Variants in C12orf42 observed in about 807,000 individuals in gnomAD.
C12orf42 encodes the protein uncharacterized protein C12orf42.
In C12orf42, 25 loss-of-function variants were observed where a neutral mutation model predicts 21.6. The ratio of observed to expected loss-of-function variants is 1.16; its 90% confidence interval spans 0.84 to 1.62. The LOEUF (loss-of-function observed/expected upper bound fraction) is 1.62. Ranked by LOEUF, C12orf42 falls within the 40% of genes most tolerant of loss-of-function variation. C12orf42 has a pLI of 0.00. For missense variants in C12orf42, 483 were observed against 459.3 expected (o/e 1.05, Z -0.47); for synonymous variants, 174 against 175.0 (o/e 0.99, Z 0.05).
At chr12:103,208,011 G>C in the C12orf42 span, among the ~76,000 whole-genome samples, 3 of 152,136 alleles carry the variant, frequency 2.0e-5, no homozygotes, top group Non-Finnish European at 4.4e-5. Context: ...GAATGGAAAA[G>C]CTTTTGTTTC....
intron 2 of C12orf42, among the ~76,000 whole-genome samples, chr12:103,420,528 T>C (rs1328410564): frequency 1.3e-5 from 2 of 152,156 alleles, no homozygotes; most frequent in African/African-American, 4.8e-5. Flanking sequence ...TCTAAGGCAG[T>C]GGTTCTCAAA....
the C12orf42 span, among the ~76,000 whole-genome samples, chr12:103,060,250 C>A: frequency 6.6e-6 from 1 of 152,030 alleles, no homozygotes; most frequent in Non-Finnish European, 1.5e-5. Context: ...GAATAAGATA[C>A]CTAGGAATAC....
At chr12:103,248,864 AT>A (rs948137868) in intron 10 of C12orf42, among the ~76,000 whole-genome samples, 1 of 151,954 alleles carries the variant, frequency 6.6e-6, no homozygotes, top group Non-Finnish European at 1.5e-5. Flanking sequence ...ATGGTTGACT[AT>A]TTTTTTAATG....
At chr12:103,302,934 G>A (rs1593342208) in intron 5 of C12orf42, among the ~76,000 whole-genome samples, 1 of 152,194 alleles carries the variant, frequency 6.6e-6, no homozygotes, top group Non-Finnish European at 1.5e-5. Flanking sequence ...GAAAGTTTGT[G>A]ATTGGAAAAT....
At chr12:103,315,043 T>C (rs112514968) in intron 4 of C12orf42, among the ~76,000 whole-genome samples, 2,604 of 152,192 alleles carry the variant, frequency 0.017, 99 homozygotes, top group African/African-American at 0.059. Context: ...CTGGACAAAT[T>C]TGAAGCCTCT....
chr12:103,436,275 C>G (rs1213363887), intron 2 of C12orf42, among the ~76,000 whole-genome samples: 1 of 151,512 alleles, frequency 6.6e-6, no homozygotes, highest in Admixed American at 6.6e-5. Flanking sequence ...AAGGAACAAC[C>G]GGTACCAGGC....
At chr12:103,287,692 A>C (rs1171681620) in intron 4 of C12orf42, among the ~76,000 whole-genome samples, 1 of 151,458 alleles carries the variant, frequency 6.6e-6, no homozygotes, top group Non-Finnish European at 1.5e-5. Context: ...GTACCCTAAA[A>C]CTTAAAGTAT....
chr12:103,506,307 A>ACC, the C12orf42 span: 45 of 89,410 alleles, frequency 5.0e-4, no homozygotes, highest in African/African-American at 1.9e-3. Flanking sequence ...CCATCCCACC[A>ACC]CCCCCCCACA....
At chr12:103,492,891 A>AC (rs1244132124) in intron 1 of C12orf42, among the ~76,000 whole-genome samples, 4 of 152,176 alleles carry the variant, frequency 2.6e-5, no homozygotes, top group Admixed American at 6.5e-5. Context: ...CAAGTGTGCT[A>AC]CCGTCAGTTC....
At chr12:103,169,246 A>G in the C12orf42 span, among the ~76,000 whole-genome samples, 74,321 of 151,586 alleles carry the variant, frequency 0.49, 18,489 homozygotes, top group East Asian at 0.67. Context: ...CACTATGTAA[A>G]TGGAATACCT....
At chr12:103,243,200 CT>C (rs1263375288) in intron 10 of C12orf42, among the ~76,000 whole-genome samples, 1 of 151,584 alleles carries the variant, frequency 6.6e-6, no homozygotes, top group Non-Finnish European at 1.5e-5. Context: ...TTTGGTTTTT[CT>C]TTTTTTTCAG....
downstream of C12orf42, among the ~76,000 whole-genome samples, chr12:103,233,440 T>C (rs1398935588): frequency 6.6e-6 from 1 of 152,186 alleles, no homozygotes; most frequent in Non-Finnish European, 1.5e-5. Flanking sequence ...CAATATTGAG[T>C]CTTCCTATCC....
the C12orf42 span, among the ~76,000 whole-genome samples, chr12:103,136,065 C>CA: frequency 9.2e-5 from 14 of 151,804 alleles, no homozygotes; most frequent in African/African-American, 2.9e-4. Flanking sequence ...AGTCAAGAGG[C>CA]AAAAATAAAA....
At chr12:103,084,217 C>T in the C12orf42 span, among the ~76,000 whole-genome samples, 47 of 152,282 alleles carry the variant, frequency 3.1e-4, no homozygotes, top group African/African-American at 1.1e-3. Flanking sequence ...CTGTAACAGA[C>T]TTGCTCTTTC....
intron 2 of C12orf42, among the ~76,000 whole-genome samples, chr12:103,445,615 T>C (rs1951529944): frequency 6.6e-6 from 1 of 152,004 alleles, no homozygotes; most frequent in African/African-American, 2.4e-5. Context: ...TGTGGTTTGC[T>C]TTTTTTATAA....
intron 1 of C12orf42, among the ~76,000 whole-genome samples, chr12:103,480,285 G>A (rs1338126593): frequency 6.6e-6 from 1 of 151,366 alleles, no homozygotes; most frequent in Non-Finnish European, 1.5e-5. Context: ...ATTCCATTAT[G>A]TCCCTGTTTT....
At chr12:103,238,161 G>T in intron 10 of C12orf42, among the ~76,000 whole-genome samples, 1 of 151,954 alleles carries the variant, frequency 6.6e-6, no homozygotes, top group African/African-American at 2.4e-5. Context: ...AGTAGGAAGG[G>T]ACATGGGACA....
the C12orf42 span, among the ~76,000 whole-genome samples, chr12:103,219,241 C>T: frequency 6.6e-6 from 1 of 152,158 alleles, no homozygotes; most frequent in South Asian, 2.1e-4. Flanking sequence ...CTTCCTTACA[C>T]CTTATACAAA....
At chr12:103,117,258 G>A in the C12orf42 span, among the ~76,000 whole-genome samples, 1,227 of 152,104 alleles carry the variant, frequency 8.1e-3, 21 homozygotes, top group African/African-American at 0.028. Context: ...AATTCCATGA[G>A]ATCACTATTT....
Sources: gnomAD v4.1 joint callset for allele counts (sites outside exome capture counted in the v4.1 genomes callset) on GRCh38, gnomAD v4.1.1 for gene constraint, MANE v1.5 for transcripts, NCBI Gene and HGNC (gene_info 2026-07-23, HGNC 2026-07-21) for gene names.